Variants in LRRFIP1 observed in about 807,000 individuals in gnomAD.
The protein encoded by LRRFIP1 is leucine-rich repeat flightless-interacting protein 1.
LRRFIP1 carries 62 observed loss-of-function variants against 104.4 expected under a neutral mutation model. That is an observed-to-expected ratio of 0.59 (90% CI 0.48 to 0.73). LRRFIP1 has a LOEUF of 0.73. LRRFIP1 is among the 30% of genes least tolerant of loss of function. The pLI is 0.00. For synonymous variants in LRRFIP1, 300 were observed against 299.0 expected (o/e 1.00, Z -0.03); for missense variants, 796 against 824.5 (o/e 0.97, Z 0.42).
At chr2:237,706,342 CTCT>C (rs1200098498) in intron 1 of LRRFIP1, among the ~76,000 whole-genome samples, 17 of 152,250 alleles carry the variant, frequency 1.1e-4, no homozygotes, top group African/African-American at 2.4e-4. Context: ...CCCTCTGCTC[CTCT>C]TCTTCTTCTT....
At chr2:237,667,780 T>G (rs1052757182) in intron 1 of LRRFIP1, among the ~76,000 whole-genome samples, 2 of 152,048 alleles carry the variant, frequency 1.3e-5, no homozygotes, top group Non-Finnish European at 2.9e-5. Context: ...CTAACCAGGG[T>G]GGAGTGGCAG....
chr2:237,713,349 T>C (rs964756857), intron 2 of LRRFIP1, among the ~76,000 whole-genome samples: 1 of 152,182 alleles, frequency 6.6e-6, no homozygotes, highest in African/African-American at 2.4e-5. Flanking sequence ...TCTTTTTTAA[T>C]GGATTTGTTA....
intron 8 of LRRFIP1, 58 bp downstream of exon 8, chr2:237,727,993 G>C: frequency 7.8e-7 from 1 of 1,280,600 alleles, no homozygotes; most frequent in Admixed American, 2.4e-5. Context: ...AAAGCTTCTA[G>C]AACTAAAAAC....
At position 237,757,354 on chromosome 2, in the gene LRRFIP1, T is replaced by G. The variant is rs571998465; in HGVS notation, c.1132-102T>G. ...CAGGGTTGATGAGGTGAAAGAGTGC[T>G]TGCGGCCTCACTCACTGTCCCAGCT... is the stretch of plus-strand genomic sequence containing the variant. On this transcript the variant is annotated intron_variant, in intron 16 of 23. Coordinates refer to ENST00000308482, the MANE Select transcript of LRRFIP1 (RefSeq NM_001137550.2). 99 of 703,810 alleles carry G rather than the reference T, an allele frequency of 1.4e-4. No homozygotes were observed. The East Asian group carries it at 2.5e-3, about 18-fold the overall frequency. 43.6% of individuals were successfully genotyped at this position (703,810 alleles called of 1,614,324 possible). A position where few individuals can be genotyped will look rare whatever the true frequency, so the allele number is the denominator to read the frequency against.
chr2:237,678,264 A>G (rs2091393746), intron 1 of LRRFIP1, among the ~76,000 whole-genome samples: 1 of 152,232 alleles, frequency 6.6e-6, no homozygotes, highest in Admixed American at 6.5e-5. Flanking sequence ...TACTCCTACT[A>G]GAGCCACGGG....
intron 11 of LRRFIP1, among the ~76,000 whole-genome samples, chr2:237,742,158 T>C (rs1421422205): frequency 6.6e-6 from 1 of 152,268 alleles, no homozygotes; most frequent in Non-Finnish European, 1.5e-5. Flanking sequence ...TAAAATTTAC[T>C]CACAGGTTTA....
At chr2:237,749,815 T>TA (rs1252270416) in intron 13 of LRRFIP1, among the ~76,000 whole-genome samples, 7 of 152,210 alleles carry the variant, frequency 4.6e-5, no homozygotes. Context: ...TGATTTTTTT[T>TA]ATCCCACTGT....
chr2:237,771,938 G>A, intron 20 of LRRFIP1, 143 bp from the exon 21 acceptor site: 1 of 609,976 alleles, frequency 1.6e-6, no homozygotes, highest in Admixed American at 2.9e-5. Flanking sequence ...ACATTGAATT[G>A]TGTTTCTGAG....
Position 237,661,184 on chromosome 2 carries a change from G to A in LRRFIP1, c.96+33444G>A, listed in dbSNP as rs746794926. Among the ~76,000 whole-genome samples the A allele has an allele frequency of 3.9e-5, 6 of 152,182 alleles. No individual in the cohort carries two copies. Among genetic ancestry groups the A allele is most frequent in the Non-Finnish European group, 7.4e-5 (5 of 68,026 alleles). ...ATCTGGGGCCACGCAGGGAGACCCT[G>A]GGGGATCCTGGGCAGAAGCCCCTGA... On this transcript the variant is annotated intron_variant, in intron 1 of 23. Transcript: ENST00000308482. This position sits in a 1 kb window ranked among gnomAD's most constrained non-coding sequence, Gnocchi z 4.4.
At chr2:237,653,915 A>G (rs2086359726) in intron 1 of LRRFIP1, among the ~76,000 whole-genome samples, 2 of 152,364 alleles carry the variant, frequency 1.3e-5, no homozygotes, top group South Asian at 4.1e-4. Flanking sequence ...GAGAAAACAT[A>G]AGGCGAAAGC....
At chr2:237,628,012 G>A (rs966403317) in intron 1 of LRRFIP1, among the ~76,000 whole-genome samples, 2 of 151,388 alleles carry the variant, frequency 1.3e-5, no homozygotes, top group East Asian at 1.9e-4. Flanking sequence ...CCCGGCCACC[G>A]TCGGCCGCTG....
intron 6 of LRRFIP1, among the ~76,000 whole-genome samples, chr2:237,722,320 T>A (rs1368358592): frequency 6.6e-6 from 1 of 152,094 alleles, no homozygotes; most frequent in Non-Finnish European, 1.5e-5. Context: ...TAGGCACAAT[T>A]TCAGATGTAA....
chr2:237,723,398 A>G, intron 6 of LRRFIP1, 150 bp from the exon 7 acceptor site: 1 of 729,760 alleles, frequency 1.4e-6, no homozygotes, highest in Non-Finnish European at 2.3e-6. Context: ...CTTTTTGTAA[A>G]TACATATTAG....
At chr2:237,648,557 C>T (rs2085356614) in intron 1 of LRRFIP1, among the ~76,000 whole-genome samples, 1 of 151,062 alleles carries the variant, frequency 6.6e-6, no homozygotes, top group African/African-American at 2.4e-5. Flanking sequence ...ATGAGACCCC[C>T]ATCTCTACAA....
rs769416788 is a variant in LRRFIP1 at position 237,757,548 on chromosome 2, G to A, written c.1224G>A (p.Gly408=). 1.9e-6 allele frequency: 3 copies of A among 1,567,134 alleles called. No individual in the cohort carries two copies. The South Asian group carries it at 3.5e-5, about 18-fold the overall frequency. ...ETIEWKDKKI[G]ALERQKEFFD... ...TAGAGTGGAAAGACAAAAAGATAGG[G>A]GTAGGATTCCCAAGTCTTGAAAATC... Residue 408 remains glycine (G), a splice_region_variant and synonymous_variant, in exon 17 of 24, where the codon GGG becomes GGA. Transcript: ENST00000308482.
At chr2:237,666,724 T>TTTCTTTTG (rs2089324563) in intron 1 of LRRFIP1, among the ~76,000 whole-genome samples, 6 of 116,960 alleles carry the variant, frequency 5.1e-5, no homozygotes, top group South Asian at 6.1e-4. Flanking sequence ...GTGCGCTTTC[T>TTTCTTTTG]TTCTTTTGTT....
At chr2:237,657,985 A>G (rs146250078) in intron 1 of LRRFIP1, among the ~76,000 whole-genome samples, 177 of 152,360 alleles carry the variant, frequency 1.2e-3, no homozygotes, top group Non-Finnish European at 2.0e-3. Context: ...GAAGTACACA[A>G]GAGAACTGGC....
intron 1 of LRRFIP1, among the ~76,000 whole-genome samples, chr2:237,688,416 T>G (rs116196741): frequency 0.026 from 4,007 of 151,282 alleles, 183 homozygotes; most frequent in African/African-American, 0.092. Context: ...CTGGGCCCCA[T>G]GCTGGTATGG....
rs553969653 is a variant in LRRFIP1, at chr2:237,714,467, C to T, written c.201+191C>T. ...CCTCATCTTGCCCCACTCAAAGCAACAGTCAGACACATTTCTGTGTACTGA... is the reference window on the plus strand; with the variant it reads ...CCTCATCTTGCCCCACTCAAAGCAATAGTCAGACACATTTCTGTGTACTGA... On this transcript the variant is annotated intron_variant, in intron 3 of 23. Transcript: ENST00000308482. Among the ~76,000 whole-genome samples, 6 of 152,346 alleles carry T rather than the reference C, an allele frequency of 3.9e-5. 1 individual carries two copies. The highest frequency in any genetic ancestry group is 1.4e-4 in the African/African-American group (6 of 41,576).
Sources: allele counts gnomAD v4.1 joint callset (sites outside exome capture counted in the v4.1 genomes callset), GRCh38; gene constraint gnomAD v4.1.1; non-coding constraint Gnocchi (gnomAD v3.1); transcripts MANE v1.5; gene names NCBI Gene and HGNC (gene_info 2026-07-23, HGNC 2026-07-21).